Variants in HPSE2 observed in about 807,000 individuals in gnomAD.
HPSE2 encodes the protein heparanase 2 (inactive).
A neutral mutation model predicts 60.5 loss-of-function variants in HPSE2; 38 were observed. The ratio of observed to expected loss-of-function variants is 0.63; its 90% CI spans 0.48 to 0.82. HPSE2 has a LOEUF of 0.82. HPSE2 is among the 40% of genes least tolerant of loss of function. The probability of loss-of-function intolerance (pLI) is 0.00; values close to 1 mark genes in which losing one functional copy is unlikely to be tolerated. For synonymous variants in HPSE2, 295 were observed against 293.2 expected, an observed-to-expected ratio of 1.01 and a Z score of -0.06; for missense variants, 713 against 740.4, an observed-to-expected ratio of 0.96 and a Z score of 0.43.
intron 5 of HPSE2, among the ~76,000 whole-genome samples, chr10:98,714,922 C>A (rs954437144): frequency 6.6e-6 from 1 of 151,870 alleles, no homozygotes; most frequent in Non-Finnish European, 1.5e-5. Context: ...ATTAGCATTT[C>A]CCTAACAACT....
chr10:98,591,592 G>T (rs573013284), intron 9 of HPSE2, among the ~76,000 whole-genome samples: 9 of 152,220 alleles, frequency 5.9e-5, no homozygotes, highest in Middle Eastern at 3.4e-3. Flanking sequence ...AACCTGGGAG[G>T]CAGAGGTTGT....
chr10:98,601,922 G>T (rs12356555), intron 9 of HPSE2, among the ~76,000 whole-genome samples: 63,672 of 152,040 alleles, frequency 0.42, 16,037 homozygotes, highest in Admixed American at 0.54. Flanking sequence ...AAACTTGTTA[G>T]CTTGCAAATA....
chr10:99,064,086 C>T (rs1377705852), intron 3 of HPSE2, among the ~76,000 whole-genome samples: 5 of 151,896 alleles, frequency 3.3e-5, no homozygotes, highest in African/African-American at 1.2e-4. Flanking sequence ...AGTGAGACTC[C>T]GTCTCAAAAA....
chr10:98,493,783 T>A (rs1941739066), intron 9 of HPSE2, among the ~76,000 whole-genome samples: 2 of 152,208 alleles, frequency 1.3e-5, no homozygotes, highest in Non-Finnish European at 2.9e-5. Context: ...TTTAATCAAT[T>A]TACATTTAAA....
rs1435564561 is a variant in HPSE2 at position 98,721,795 on chromosome 10, G to C, written c.818C>G (p.Ala273Gly). 6.2e-7 allele frequency: 1 copy of C among 1,613,438 alleles called. No individual in the cohort carries two copies. Among genetic ancestry groups the C allele is most frequent in the Admixed American group, 1.7e-5 (1 of 59,916 alleles). ...PNNYRTMHGRAVNGSQLGKDY... is the reference protein window; with the variant it reads ...PNNYRTMHGRGVNGSQLGKDY... ...CTTTCCCAACTGGCTGCCATTTACT[G>C]CCCGGCCATGCATGGTCCGATAGTT... The change falls in exon 5 of 12, where the codon GCA becomes GGA. Residue 273 changes from alanine to glycine, a missense_variant. Coordinates refer to ENST00000370552, the MANE Select transcript of HPSE2 (RefSeq NM_021828.5).
At chr10:98,814,434 T>G (rs931072879) in intron 3 of HPSE2, among the ~76,000 whole-genome samples, 6 of 152,140 alleles carry the variant, frequency 3.9e-5, no homozygotes, top group Non-Finnish European at 8.8e-5. Context: ...TTTTATCAAA[T>G]TTGGAAAATA....
At chr10:99,063,778 T>C (rs1017387229) in intron 3 of HPSE2, among the ~76,000 whole-genome samples, 3 of 152,176 alleles carry the variant, frequency 2.0e-5, no homozygotes, top group African/African-American at 7.2e-5. Flanking sequence ...AATATAAATA[T>C]ATGTTCATAT....
At chr10:98,910,142 C>A (rs995754190) in intron 3 of HPSE2, among the ~76,000 whole-genome samples, 26 of 152,178 alleles carry the variant, frequency 1.7e-4, no homozygotes, top group Admixed American at 6.5e-4. Context: ...CTGGGAAGGG[C>A]ACTTACAGAC....
chr10:98,742,813 A>ACG (rs1949532314), intron 4 of HPSE2, among the ~76,000 whole-genome samples: 1 of 151,314 alleles, frequency 6.6e-6, no homozygotes, highest in African/African-American at 2.4e-5. Flanking sequence ...ACACACACAC[A>ACG]CACACTTTAA....
chr10:98,818,616 AG>A (rs1211099966), intron 3 of HPSE2, among the ~76,000 whole-genome samples: 1 of 152,154 alleles, frequency 6.6e-6, no homozygotes, highest in Admixed American at 6.5e-5. Flanking sequence ...ATAGGGAGAA[AG>A]TCCAACGAGG....
intron 3 of HPSE2, among the ~76,000 whole-genome samples, chr10:98,828,385 G>A (rs1951601984): frequency 6.6e-6 from 1 of 152,178 alleles, no homozygotes; most frequent in East Asian, 1.9e-4. Context: ...AAGTGGTAGA[G>A]CCTGGCTAGA....
intron 3 of HPSE2, among the ~76,000 whole-genome samples, chr10:98,968,361 G>A (rs1395678342): frequency 1.3e-5 from 2 of 152,074 alleles, no homozygotes; most frequent in African/African-American, 4.8e-5. Context: ...ATTGATGTTG[G>A]TGTGGGTGTG....
intron 3 of HPSE2, among the ~76,000 whole-genome samples, chr10:98,919,176 G>A (rs1285405741): frequency 6.6e-6 from 1 of 152,180 alleles, no homozygotes. Context: ...TTTAGTAGCA[G>A]TGTGTAAAGT....
intron 11 of HPSE2, among the ~76,000 whole-genome samples, chr10:98,474,833 C>T (rs1256516820): frequency 6.6e-6 from 1 of 152,118 alleles, no homozygotes; most frequent in Non-Finnish European, 1.5e-5. Flanking sequence ...CCACAGGCTG[C>T]TTCCTGTTAG....
At chr10:99,068,746 AAG>A (rs1219415740) in intron 3 of HPSE2, among the ~76,000 whole-genome samples, 1 of 152,214 alleles carries the variant, frequency 6.6e-6, no homozygotes, top group African/African-American at 2.4e-5. Flanking sequence ...TATGAAAAGA[AAG>A]AGAGGAAAGA....
At chr10:98,696,949 C>A (rs900953412) in intron 5 of HPSE2, among the ~76,000 whole-genome samples, 32 of 152,096 alleles carry the variant, frequency 2.1e-4, no homozygotes, top group Non-Finnish European at 5.9e-5. Flanking sequence ...GAAGCAAAAA[C>A]AACAGCATCA....
chr10:99,208,719 G>C (rs1848851534), intron 2 of HPSE2, among the ~76,000 whole-genome samples: 2 of 151,640 alleles, frequency 1.3e-5, no homozygotes, highest in Non-Finnish European at 2.9e-5. Flanking sequence ...GACATAGAGT[G>C]ACTGAATGGA....
Position 98,945,167 on chromosome 10 carries a change from CA to C in HPSE2, c.610+199070del, listed in dbSNP as rs962159297. On this transcript the variant is annotated intron_variant, in intron 3 of 11. Transcript: ENST00000370552. ...AATACATCAAGCCACTATCCCCACC[CA>C]AAAAAAGAAGTGAATTTACTTTGGC... Among the ~76,000 whole-genome samples the C allele has an allele frequency of 8.7e-4, 132 of 152,072 alleles. 2 individuals are homozygous for C. The highest frequency in any genetic ancestry group is 3.0e-3 in the African/African-American group (124 of 41,524).
intron 3 of HPSE2, among the ~76,000 whole-genome samples, chr10:98,964,383 T>A (rs1336556030): frequency 6.6e-6 from 1 of 152,182 alleles, no homozygotes; most frequent in African/African-American, 2.4e-5. Flanking sequence ...GACATTAATT[T>A]ACCTAGCTAA....
Sources: gnomAD v4.1 joint callset for allele counts (sites outside exome capture counted in the v4.1 genomes callset) on GRCh38, gnomAD v4.1.1 for gene constraint, MANE v1.5 for transcripts, NCBI Gene and HGNC (gene_info 2026-07-23, HGNC 2026-07-21) for gene names.